KNTC1: variants seen among roughly 807,000 people sequenced by gnomAD.
The protein encoded by KNTC1 is kinetochore-associated protein 1.
Under a neutral mutation model 314.4 loss-of-function variants are expected in KNTC1, and 253 were observed. That is an observed-to-expected ratio of 0.80 (90% CI 0.73 to 0.89). The LOEUF (loss-of-function observed/expected upper bound fraction) is 0.89. KNTC1 is among the 40% of genes least tolerant of loss of function. The probability of loss-of-function intolerance (pLI) is 0.00; values close to 1 mark genes in which losing one functional copy is unlikely to be tolerated. For synonymous variants in KNTC1, 901 were observed against 901.4 expected (o/e 1.00, Z 0.01); for missense variants, 2,475 against 2,572.9 (o/e 0.96, Z 0.82).
In KNTC1 at chr12:122,613,095, C is replaced by G. The variant is rs773714945; in HGVS notation, c.5623-17C>G. 1.4e-6 allele frequency: 2 copies of G among 1,464,516 alleles called. No homozygotes were observed. The highest frequency in any genetic ancestry group is 1.9e-6 in the Non-Finnish European group (2 of 1,048,626). 90.7% of individuals were successfully genotyped at this position (1,464,516 alleles called of 1,614,324 possible). On this transcript the variant is annotated splice_polypyrimidine_tract_variant and intron_variant, in intron 53 of 63. Coordinates refer to ENST00000333479, the MANE Select transcript of KNTC1 (RefSeq NM_014708.6). ...TGTGCAGGTGTTCAACTCTCCAAAC[C>G]TCTTTTGGTTTTTCAGACATTAGGT...
intron 16 of KNTC1, among the ~76,000 whole-genome samples, chr12:122,556,685 A>G (rs1181411623): frequency 6.7e-6 from 1 of 150,126 alleles, no homozygotes; most frequent in African/African-American, 2.5e-5. Context: ...CTGGTATCGA[A>G]CTCCTGACCT....
chr12:122,571,887 G>A (rs574057382), intron 24 of KNTC1, among the ~76,000 whole-genome samples: 53 of 151,948 alleles, frequency 3.5e-4, no homozygotes, highest in African/African-American at 1.2e-3. Context: ...TGGTCAGACT[G>A]ATCTCAAATT....
intron 52 of KNTC1, among the ~76,000 whole-genome samples, chr12:122,610,053 G>A (rs1372257632): frequency 1.3e-5 from 2 of 152,186 alleles, no homozygotes; most frequent in Non-Finnish European, 2.9e-5. Flanking sequence ...TCCAGCCTCA[G>A]CCTTGGAGAG....
At chr12:122,616,969 T>C (rs1873832340) in intron 57 of KNTC1, among the ~76,000 whole-genome samples, 1 of 152,222 alleles carries the variant, frequency 6.6e-6, no homozygotes, top group African/African-American at 2.4e-5. Flanking sequence ...ACATTTTGTA[T>C]CAACAGAATC....
chr12:122,534,898 A>T (rs1593476496), intron 3 of KNTC1, 114 bp downstream of exon 3: 4 of 1,048,514 alleles, frequency 3.8e-6, no homozygotes, highest in African/African-American at 3.1e-5. Flanking sequence ...TTCAAATTAG[A>T]CCAATTTCAA....
At chr12:122,598,939 A>T (rs921903600) in intron 44 of KNTC1, among the ~76,000 whole-genome samples, 6 of 151,320 alleles carry the variant, frequency 4.0e-5, no homozygotes, top group African/African-American at 1.5e-4. Flanking sequence ...CCTCCCAGAT[A>T]GCTGGAACTG....
chr12:122,622,027 C>A, intron 61 of KNTC1, 57 bp downstream of exon 61: 3 of 1,199,604 alleles, frequency 2.5e-6, no homozygotes, highest in Admixed American at 2.1e-5. Flanking sequence ...AGAAGGTAGT[C>A]ATTTTCCCAA....
Position 122,556,905 on chromosome 12 carries a change from C to T in KNTC1, c.1273-479C>T, listed in dbSNP as rs1453604214. Among the ~76,000 whole-genome samples the T allele has an allele frequency of 4.5e-5, 6 of 134,616 alleles. No individual in the cohort carries two copies. The East Asian group carries it at 1.4e-3, about 30-fold the overall frequency. The allele number at this position is 134,616 out of a possible 152,430, so 88.3% of individuals were successfully genotyped here. On this transcript the variant is annotated intron_variant, in intron 16 of 63. Transcript: ENST00000333479. ...TTATCTGTGTTGTTGTTGGAAATGA[C>T]AAATTTTCCCTCTTTTTTTTTTTTT...
chr12:122,577,133 A>G, intron 30 of KNTC1, 104 bp downstream of exon 30: 1 of 827,876 alleles, frequency 1.2e-6, no homozygotes, highest in Non-Finnish European at 1.7e-6. Context: ...GCTGGAGTGC[A>G]GTGGCTGTGT....
intron 53 of KNTC1, 134 bp from the exon 54 acceptor site, chr12:122,612,978 G>T: frequency 1.6e-6 from 1 of 638,650 alleles, no homozygotes; most frequent in East Asian, 2.6e-5. Flanking sequence ...GTTACACACA[G>T]TGCGTTCCGT....
chr12:122,548,102 AC>A, intron 12 of KNTC1, 133 bp downstream of exon 12: 1 of 537,172 alleles, frequency 1.9e-6, no homozygotes, highest in South Asian at 2.9e-5. Context: ...TCAGAAATAA[AC>A]CTGCAGAACT....
chr12:122,541,471 T>C (rs2137708378), intron 5 of KNTC1, among the ~76,000 whole-genome samples: 1 of 151,512 alleles, frequency 6.6e-6, no homozygotes, highest in South Asian at 2.1e-4. Context: ...CTCAGCCTCC[T>C]GAGTAGCTGG....
intron 16 of KNTC1, among the ~76,000 whole-genome samples, chr12:122,555,927 T>C (rs1963556435): frequency 3.3e-5 from 5 of 152,208 alleles, no homozygotes; most frequent in Admixed American, 3.3e-4. Flanking sequence ...TACATTTACA[T>C]TGTGCAATGA....
chr12:122,560,513 C>T lies in KNTC1; in HGVS notation c.1489-1408C>T, dbSNP rs1963903697. ...TCAGCCTCCCAAGTAGCTGGGATTA[C>T]AGACATGTGCCTCCACGCCCAGCTA... On this transcript the variant is annotated intron_variant, in intron 18 of 63. Transcript: ENST00000333479. Among the ~76,000 whole-genome samples, 10 of 152,118 alleles carry T rather than the reference C, an allele frequency of 6.6e-5. No individual in the cohort carries two copies. In the South Asian group the frequency reaches 2.1e-3, roughly 32 times the overall value.
At chr12:122,551,767 C>A in intron 16 of KNTC1, 71 bp downstream of exon 16, 1 of 1,062,042 alleles carries the variant, frequency 9.4e-7, no homozygotes, top group Non-Finnish European at 1.5e-6. Flanking sequence ...AGAGGACAGA[C>A]ATGTAATATA....
intron 60 of KNTC1, among the ~76,000 whole-genome samples, chr12:122,620,978 A>G (rs986134548): frequency 6.6e-6 from 1 of 152,240 alleles, no homozygotes; most frequent in Admixed American, 6.5e-5. Context: ...TTTGAGTAGA[A>G]TTTTATCCCA....
At chr12:122,584,835 T>C in intron 35 of KNTC1, 58 bp from the exon 36 acceptor site, 1 of 895,086 alleles carries the variant, frequency 1.1e-6, no homozygotes, top group Non-Finnish European at 1.8e-6. Context: ...AAAGGTTGTT[T>C]TCATTATCCT....
intron 5 of KNTC1, among the ~76,000 whole-genome samples, chr12:122,541,322 T>TTCCTTCCTTCCTTCCC (rs1962309703): frequency 7.4e-6 from 1 of 135,586 alleles, no homozygotes; most frequent in African/African-American, 3.4e-5. Context: ...CCTTCCTTCC[T>TTCCTTCCTTCCTTCCC]TCCGTCCTTC....
Position 122,610,839 on chromosome 12 carries a change from T to A in KNTC1, c.5561T>A (p.Leu1854Gln). The change falls in exon 53 of 64, where the codon CTG becomes CAG. Residue 1854 changes from leucine to glutamine, a missense_variant. Leu to Gln is a moderately radical substitution (Grantham distance 113). Coordinates refer to ENST00000333479, the MANE Select transcript of KNTC1 (RefSeq NM_014708.6). ...TTTTCCAGAGTGCAGTATCTCCTCCTGTCTCGTCCAATTGATTATAGTTCA... is the reference window on the plus strand; with the variant it reads ...TTTTCCAGAGTGCAGTATCTCCTCCAGTCTCGTCCAATTGATTATAGTTCA... ...EALRRVQYLL[L>Q]SRPIDYSSRM... The A allele has an allele frequency of 3.7e-6, 6 of 1,612,774 alleles. No homozygotes were observed. Among genetic ancestry groups the A allele is most frequent in the Non-Finnish European group, 5.1e-6 (6 of 1,178,966 alleles).
Sources: gnomAD v4.1 joint callset for allele counts (sites outside exome capture counted in the v4.1 genomes callset) on GRCh38, gnomAD v4.1.1 for gene constraint, MANE v1.5 for transcripts, NCBI Gene and HGNC (gene_info 2026-07-23, HGNC 2026-07-21) for gene names.